FAM83B: variants seen among roughly 807,000 people sequenced by gnomAD.
The protein encoded by FAM83B is scaffolding CK1 anchoring protein B, also known as protein FAM83B.
In FAM83B, 26 loss-of-function variants were observed where a neutral mutation model predicts 38.8. That is an observed-to-expected ratio of 0.67 (90% CI 0.49 to 0.93). The LOEUF (loss-of-function observed/expected upper bound fraction) is 0.93, where lower values mean the gene tolerates loss of function less well. Among genes scored for constraint, FAM83B ranks in the 40% least tolerant of loss-of-function variants. The probability of loss-of-function intolerance (pLI) is 0.00; values close to 1 mark genes in which losing one functional copy is unlikely to be tolerated. For synonymous variants in FAM83B, 419 were observed against 423.1 expected (o/e 0.99, Z 0.12); for missense variants, 1,237 against 1,197.3 (o/e 1.03, Z -0.49).
chr6:54,873,688 A>C (rs1031649371), intron 2 of FAM83B, among the ~76,000 whole-genome samples: 2 of 136,562 alleles, frequency 1.5e-5, no homozygotes, highest in Non-Finnish European at 3.1e-5. Flanking sequence ...TTAATGGATA[A>C]AGTTTTTTTT....
chr6:54,853,187 G>A (rs1771351733), intron 1 of FAM83B, among the ~76,000 whole-genome samples: 1 of 152,150 alleles, frequency 6.6e-6, no homozygotes. Flanking sequence ...TGGTTCCTGA[G>A]GTTTAAGAAA....
In FAM83B at chr6:54,865,685, C is replaced by T. The variant is rs185894448; in HGVS notation, c.-60-4502C>T. On this transcript the variant is annotated intron_variant, in intron 1 of 4. Transcript: ENST00000306858. ...CTTGCACATTAGGTAATTATAGCCT[C>T]GGACTTTTGATTTAAAAAAGCTGTA... Among the ~76,000 whole-genome samples the T allele has an allele frequency of 7.9e-5, 12 of 152,154 alleles. No individual in the cohort carries two copies. The East Asian group carries it at 9.7e-4, about 12-fold the overall frequency.
chr6:54,848,596 TC>T lies in FAM83B; in HGVS notation c.-61+1772del, dbSNP rs371751143. On this transcript the variant is annotated intron_variant, in intron 1 of 4. Transcript: ENST00000306858. Reference sequence around the variant, plus strand: ...ATTTTATTAATCTTTCTATTTTATTTCCTCTACCGTCCACCGTTCTTTATAG... The same window carrying T: ...ATTTTATTAATCTTTCTATTTTATTTCTCTACCGTCCACCGTTCTTTATAG... Among the ~76,000 whole-genome samples the T allele has an allele frequency of 1.6e-3, 247 of 152,330 alleles. 1 individual carries two copies. Among genetic ancestry groups the T allele is most frequent in the Middle Eastern group, 0.01 (3 of 294 alleles).
chr6:54,936,935 C>T (rs760042958), intron 4 of FAM83B, among the ~76,000 whole-genome samples: 5 of 145,308 alleles, frequency 3.4e-5, no homozygotes, highest in Non-Finnish European at 7.5e-5. Flanking sequence ...AATAAATATT[C>T]CTTCTGTATC....
At chr6:54,898,204 G>A (rs1005807580) in intron 2 of FAM83B, among the ~76,000 whole-genome samples, 1 of 151,946 alleles carries the variant, frequency 6.6e-6, no homozygotes, top group Admixed American at 6.6e-5. Context: ...GAGAAACAAC[G>A]GGTGCCTGAC....
At chr6:54,925,965 C>A (rs915472850) in intron 2 of FAM83B, among the ~76,000 whole-genome samples, 1 of 152,092 alleles carries the variant, frequency 6.6e-6, no homozygotes, top group Non-Finnish European at 1.5e-5. Flanking sequence ...TTCCCCAAGA[C>A]TTTTATTCTT....
At chr6:54,890,877 A>T (rs1423351786) in intron 2 of FAM83B, among the ~76,000 whole-genome samples, 1 of 151,944 alleles carries the variant, frequency 6.6e-6, no homozygotes, top group Non-Finnish European at 1.5e-5. Flanking sequence ...TTCAGAGTGA[A>T]TTTTAAACTT....
At chr6:54,924,160 C>CT (rs1382680458) in intron 2 of FAM83B, among the ~76,000 whole-genome samples, 1 of 149,374 alleles carries the variant, frequency 6.7e-6, no homozygotes, top group African/African-American at 2.5e-5. Context: ...AAATAGGATT[C>CT]TTTTTATGGT....
At chr6:54,912,844 T>A (rs981285827) in intron 2 of FAM83B, among the ~76,000 whole-genome samples, 7 of 151,918 alleles carry the variant, frequency 4.6e-5, no homozygotes, top group Non-Finnish European at 1.0e-4. Context: ...TGTGAAAATA[T>A]CCAAGAGAAG....
intron 2 of FAM83B, among the ~76,000 whole-genome samples, chr6:54,921,239 C>G (rs570722752): frequency 1.3e-5 from 2 of 152,006 alleles, no homozygotes; most frequent in South Asian, 2.1e-4. Context: ...CTCTGAATTA[C>G]CATTCCCGTG....
At chr6:54,935,423 C>G (rs1487435981) in intron 4 of FAM83B, among the ~76,000 whole-genome samples, 1 of 152,028 alleles carries the variant, frequency 6.6e-6, no homozygotes, top group East Asian at 1.9e-4. Flanking sequence ...TCATAAATGT[C>G]TTCTAAGAGC....
chr6:54,883,879 A>T (rs1318779515), intron 2 of FAM83B, among the ~76,000 whole-genome samples: 1 of 151,964 alleles, frequency 6.6e-6, no homozygotes, highest in African/African-American at 2.4e-5. Context: ...CTATCAAAGA[A>T]ATACTTGCAG....
intron 2 of FAM83B, among the ~76,000 whole-genome samples, chr6:54,871,034 G>T (rs1192620275): frequency 6.6e-6 from 1 of 152,148 alleles, no homozygotes; most frequent in East Asian, 1.9e-4. Flanking sequence ...TCTCTGAAAG[G>T]AAGTAGTTGG....
chr6:54,940,297 G>C lies in FAM83B; in HGVS notation c.1326G>C (p.Gln442His), dbSNP rs780830259. 9 of 1,613,964 alleles carry C rather than the reference G, an allele frequency of 5.6e-6. No individual in the cohort carries two copies. Among genetic ancestry groups the C allele is most frequent in the Non-Finnish European group, 6.8e-6 (8 of 1,180,018 alleles). The change falls in exon 5 of 5, where the codon CAG becomes CAC. Residue 442 changes from glutamine (Q) to histidine (H), a missense_variant. By Grantham distance (24) the Gln-to-His change is conservative. Transcript: ENST00000306858. ...TAAGCCACCACAACACACCTGCCCA[G>C]AGTTTTGCCAATCGGCTTGCGCAGA... The part of the protein sequence containing the change: ...GYVSHHNTPA[Q>H]SFANRLAQRK...
intron 1 of FAM83B, among the ~76,000 whole-genome samples, chr6:54,862,275 A>T (rs1024711634): frequency 6.6e-6 from 1 of 152,204 alleles, no homozygotes; most frequent in Admixed American, 6.5e-5. Context: ...TATTCAGATT[A>T]TATGACCAGT....
chr6:54,911,715 A>G (rs1410893567), intron 2 of FAM83B, among the ~76,000 whole-genome samples: 2 of 152,114 alleles, frequency 1.3e-5, no homozygotes, highest in African/African-American at 4.8e-5. Flanking sequence ...GCCATCTGAT[A>G]TAATTTTCTC....
chr6:54,933,300 T>C (rs966589216), intron 4 of FAM83B, among the ~76,000 whole-genome samples: 3 of 152,110 alleles, frequency 2.0e-5, no homozygotes, highest in Non-Finnish European at 2.9e-5. Flanking sequence ...CTTTTAGTTT[T>C]ATTTTATAGT....
rs111378108 is a variant in FAM83B, at chr6:54,851,493, G to A, written c.-61+4667G>A. Among the ~76,000 whole-genome samples the A allele has an allele frequency of 5.4e-3, 822 of 151,718 alleles. 10 individuals carry two copies. The highest frequency in any genetic ancestry group is 0.019 in the African/African-American group (784 of 41,360). Reference sequence around the variant, plus strand: ...GTTTTGGTTTGGTTTGTTTTTTTGTGACACAGTCTCACTCTGTTGCCCAGG... The same window carrying A: ...GTTTTGGTTTGGTTTGTTTTTTTGTAACACAGTCTCACTCTGTTGCCCAGG... On this transcript the variant is annotated intron_variant, in intron 1 of 4. Coordinates refer to ENST00000306858, the MANE Select transcript of FAM83B (RefSeq NM_001010872.3).
chr6:54,869,631 C>A (rs1347427533), intron 1 of FAM83B, among the ~76,000 whole-genome samples: 1 of 152,146 alleles, frequency 6.6e-6, no homozygotes, highest in East Asian at 1.9e-4. Context: ...CCGGGTCCAG[C>A]CGAAGCCCAC....
Sources: allele counts gnomAD v4.1 joint callset (sites outside exome capture counted in the v4.1 genomes callset), GRCh38; gene constraint gnomAD v4.1.1; transcripts MANE v1.5; gene names NCBI Gene and HGNC (gene_info 2026-07-23, HGNC 2026-07-21).